Variants in ANKS1A observed in about 807,000 individuals in gnomAD.
The protein encoded by ANKS1A is ankyrin repeat and SAM domain-containing protein 1A.
A neutral mutation model predicts 120.3 loss-of-function variants in ANKS1A; 55 were observed. The observed-to-expected ratio is 0.46, with a 90% confidence interval of 0.37 to 0.57. The LOEUF (loss-of-function observed/expected upper bound fraction) is 0.57. Ranked by LOEUF, ANKS1A falls within the 20% of genes least tolerant of loss-of-function variation. The pLI is 0.00. For missense variants in ANKS1A, 1,123 were observed against 1,480.3 expected (o/e 0.76, Z 3.96); for synonymous variants, 590 against 604.7 (o/e 0.98, Z 0.36).
intron 1 of ANKS1A, among the ~76,000 whole-genome samples, chr6:34,958,441 T>C (rs1770474174): frequency 6.6e-6 from 1 of 152,114 alleles, no homozygotes; most frequent in African/African-American, 2.4e-5. Flanking sequence ...CACACACTTC[T>C]CTTAGTGTAT....
chr6:35,083,072 T>C lies in ANKS1A; in HGVS notation c.2836-83T>C. 3.9e-6 allele frequency: 6 copies of C among 1,541,660 alleles called. No homozygotes were observed. The South Asian group carries it at 6.9e-5, about 18-fold the overall frequency. On this transcript the variant is annotated intron_variant, in intron 18 of 23. Transcript: ENST00000360359. ...TTATTGAGAGGGGTAACTACTTGAT[T>C]GTGGGACAGTCCCAAATTGGTTGGG...
chr6:35,071,372 C>A (rs1777078139), intron 13 of ANKS1A, among the ~76,000 whole-genome samples: 1 of 152,194 alleles, frequency 6.6e-6, no homozygotes, highest in Non-Finnish European at 1.5e-5. Context: ...TGTTTCGGGG[C>A]TGCTGTCTGT....
chr6:35,029,914 A>G (rs1469585621), intron 11 of ANKS1A, among the ~76,000 whole-genome samples: 1 of 151,528 alleles, frequency 6.6e-6, no homozygotes, highest in Non-Finnish European at 1.5e-5. Flanking sequence ...TTCATTTTTC[A>G]GGTATAAATC....
intron 11 of ANKS1A, among the ~76,000 whole-genome samples, chr6:35,037,070 C>T (rs1027980256): frequency 1.3e-5 from 2 of 152,232 alleles, no homozygotes; most frequent in African/African-American, 4.8e-5. Flanking sequence ...GATTACATAA[C>T]ACTAGCAATC....
At chr6:34,897,628 T>C (rs558226234) in intron 1 of ANKS1A, among the ~76,000 whole-genome samples, 4 of 152,296 alleles carry the variant, frequency 2.6e-5, no homozygotes, top group South Asian at 4.1e-4. Context: ...TAGAGAAAAT[T>C]ATATCGTATA....
chr6:35,036,842 T>C (rs895603254), intron 11 of ANKS1A, among the ~76,000 whole-genome samples: 2 of 152,248 alleles, frequency 1.3e-5, no homozygotes, highest in Non-Finnish European at 2.9e-5. Flanking sequence ...AGGAACTTTC[T>C]AGAAATGCAA....
At chr6:35,097,414 C>T in the ANKS1A span, among the ~76,000 whole-genome samples, 2 of 151,462 alleles carry the variant, frequency 1.3e-5, no homozygotes, top group Admixed American at 6.6e-5. Context: ...GAGGCTGAGG[C>T]GGGAGAATCG....
rs77153991 is a variant in ANKS1A, at chr6:34,996,093, C to T, written c.1423+1671C>T. 8.8e-4 allele frequency among the ~76,000 whole-genome samples: 134 copies of T among 152,186 alleles called. No homozygotes were observed. The East Asian group carries it at 0.022, about 25-fold the overall frequency. The stretch of plus-strand genomic sequence containing the variant: ...ACATCTACTTGCTATATATATCATC[C>T]CTAGCACTTAATATTGTCAGGTTTT... On this transcript the variant is annotated intron_variant, in intron 10 of 23. Coordinates refer to ENST00000360359, the MANE Select transcript of ANKS1A (RefSeq NM_015245.3).
At chr6:34,897,375 C>T (rs1042669966) in intron 1 of ANKS1A, among the ~76,000 whole-genome samples, 4 of 152,156 alleles carry the variant, frequency 2.6e-5, no homozygotes, top group African/African-American at 9.7e-5. Flanking sequence ...CCCCAAACAG[C>T]TGTGAATTCT....
In ANKS1A at chr6:35,079,551, T is replaced by C; in HGVS notation, c.2319T>C (p.Pro773=). The C allele has an allele frequency of 5.0e-6, 8 of 1,613,798 alleles. No individual in the cohort carries two copies. The highest frequency in any genetic ancestry group is 4.2e-6 in the Non-Finnish European group (5 of 1,179,814). The change falls in exon 15 of 24, where the codon CCT becomes CCC. Residue 773 remains proline (P), a synonymous_variant. Transcript: ENST00000360359. ...TGGGTTATGACGGGAACAGCCCCCCTAGCGTGCCCTCCTGGCTGGACTCCC... is the reference window on the plus strand; with the variant it reads ...TGGGTTATGACGGGAACAGCCCCCCCAGCGTGCCCTCCTGGCTGGACTCCC... ...KALGYDGNSP[P]SVPSWLDSLG... is the part of the protein sequence containing the mutation.
At chr6:35,013,402 C>G (rs987579142) in intron 10 of ANKS1A, among the ~76,000 whole-genome samples, 2 of 152,138 alleles carry the variant, frequency 1.3e-5, no homozygotes, top group Non-Finnish European at 2.9e-5. Context: ...TCAAATTATC[C>G]TCCCATCTCA....
intron 10 of ANKS1A, among the ~76,000 whole-genome samples, chr6:35,006,148 A>G (rs181491846): frequency 0.01 from 1,473 of 146,878 alleles, 10 homozygotes; most frequent in Non-Finnish European, 0.013. Flanking sequence ...AGATCACTCC[A>G]CTGCACTCCA....
At chr6:35,073,677 T>C (rs1007886773) in intron 13 of ANKS1A, among the ~76,000 whole-genome samples, 3 of 152,368 alleles carry the variant, frequency 2.0e-5, no homozygotes, top group Admixed American at 2.0e-4. Flanking sequence ...TGTTGTCCTT[T>C]ATTCACTTCC....
At position 35,086,545 on chromosome 6, in the gene ANKS1A, C is replaced by T. The variant is rs1777995514; in HGVS notation, c.3304-407C>T. Among the ~76,000 whole-genome samples, 1 of 152,068 alleles carries T rather than the reference C, an allele frequency of 6.6e-6. No homozygotes were observed. The highest frequency in any genetic ancestry group is 1.5e-5 in the Non-Finnish European group (1 of 68,020). ...TCTGTTTTTCTGTTGTGTGTCCTCT[C>T]TCCAGAGGTCTGGGGTGACTGCTGT... On this transcript the variant is annotated intron_variant, in intron 22 of 23. Coordinates refer to ENST00000360359, the MANE Select transcript of ANKS1A (RefSeq NM_015245.3). The surrounding 1 kb of genome is among the most constrained non-coding windows in gnomAD (Gnocchi z 5.1).
intron 13 of ANKS1A, among the ~76,000 whole-genome samples, chr6:35,071,685 C>A (rs1197716988): frequency 3.3e-5 from 5 of 152,240 alleles, no homozygotes; most frequent in African/African-American, 4.8e-5. Context: ...CAGAGCCACA[C>A]CCCCTGAGCT....
At position 35,060,358 on chromosome 6, in the gene ANKS1A, C is replaced by G; in HGVS notation, c.2184+105C>G. 1 of 969,864 alleles carries G rather than the reference C, an allele frequency of 1.0e-6. No homozygotes were observed. The highest frequency in any genetic ancestry group is 1.5e-5 in the South Asian group (1 of 65,414). The allele number at this position is 969,864 out of a possible 1,614,324, so 60.1% of individuals were successfully genotyped here. On this transcript the variant is annotated intron_variant, in intron 13 of 23. Coordinates refer to ENST00000360359, the MANE Select transcript of ANKS1A (RefSeq NM_015245.3). This position sits in a 1 kb window ranked among gnomAD's most constrained non-coding sequence, Gnocchi z 4.5. Reference sequence around the variant, plus strand: ...AGGAGTCTGCAACAGTACGTAGACCCAAATCCCAGGGAAAGCTCACTGAGG... The same window carrying G: ...AGGAGTCTGCAACAGTACGTAGACCGAAATCCCAGGGAAAGCTCACTGAGG...
chr6:35,040,441 C>A (rs934609339), intron 11 of ANKS1A, among the ~76,000 whole-genome samples: 1 of 152,178 alleles, frequency 6.6e-6, no homozygotes, highest in African/African-American at 2.4e-5. Context: ...GATCCCTGTA[C>A]CAGCTTTTCT....
At chr6:34,991,514 C>T (rs1772506103) in intron 9 of ANKS1A, among the ~76,000 whole-genome samples, 1 of 145,378 alleles carries the variant, frequency 6.9e-6, no homozygotes, top group Admixed American at 7.1e-5. Context: ...ATGTTGCTTT[C>T]CACATAGCCG....
chr6:35,042,804 A>G (rs1459340480), intron 11 of ANKS1A, among the ~76,000 whole-genome samples: 2 of 152,246 alleles, frequency 1.3e-5, no homozygotes, highest in Admixed American at 1.3e-4. Context: ...TGAGGGTTAC[A>G]TAGGAAACTG....
Sources: gnomAD v4.1 joint callset for allele counts (sites outside exome capture counted in the v4.1 genomes callset) on GRCh38, gnomAD v4.1.1 for gene constraint, Gnocchi (gnomAD v3.1) non-coding constraint, MANE v1.5 for transcripts, NCBI Gene and HGNC (gene_info 2026-07-23, HGNC 2026-07-21) for gene names.